Variants in RAP1B observed in about 807,000 individuals in gnomAD.
RAP1B encodes ras-related protein Rap-1b.
Under a neutral mutation model 27.5 loss-of-function variants are expected in RAP1B, and 1 was observed. The ratio of observed to expected loss-of-function variants is 0.04; its 90% CI spans 0.01 to 0.17. The LOEUF (loss-of-function observed/expected upper bound fraction) is 0.17, where lower values mean the gene tolerates loss of function less well. RAP1B is among the 10% of genes least tolerant of loss of function. The pLI, the probability that RAP1B is intolerant of heterozygous loss-of-function variation, is 1.00. For missense variants in RAP1B, 84 were observed against 214.8 expected (o/e 0.39, Z 3.81); for synonymous variants, 75 against 73.1 (o/e 1.03, Z -0.13).
At position 68,659,919 on chromosome 12, in the gene RAP1B, C is replaced by G. The variant is rs1385336948; in HGVS notation, c.*670C>G. On this transcript the variant is annotated 3_prime_UTR_variant, in exon 8 of 8. Coordinates refer to ENST00000250559, the MANE Select transcript of RAP1B (RefSeq NM_001010942.3). ...TTGGGAAGGAAATGTCCAGACTTTT[C>G]AAATCTCTTATTATATGTTTCCTTT... is the stretch of plus-strand genomic sequence containing the variant. 6.6e-6 allele frequency: 1 copy of G among 150,614 alleles called. No homozygotes were observed. The highest frequency in any genetic ancestry group is 1.9e-4 in the East Asian group (1 of 5,138). The allele number at this position is 150,614 out of a possible 1,614,324, so 9.3% of individuals were successfully genotyped here.
chr12:68,655,628 C>T (rs1218634867), intron 5 of RAP1B, among the ~76,000 whole-genome samples: 1 of 151,618 alleles, frequency 6.6e-6, no homozygotes, highest in African/African-American at 2.4e-5. Flanking sequence ...CTCTGCCTCC[C>T]AAGTTCAAGC....
intron 1 of RAP1B, among the ~76,000 whole-genome samples, chr12:68,645,077 A>G (rs1873309606): frequency 6.6e-6 from 1 of 152,152 alleles, no homozygotes; most frequent in African/African-American, 2.4e-5. Flanking sequence ...TTCTTTCCTT[A>G]TTCTTTCTTT....
At chr12:68,644,516 G>C (rs1429363582) in intron 1 of RAP1B, among the ~76,000 whole-genome samples, 2 of 151,276 alleles carry the variant, frequency 1.3e-5, no homozygotes, top group South Asian at 2.1e-4. Context: ...CCTGGGAGGC[G>C]GAGGTTGCAG....
chr12:68,624,452 TTAGAA>T (rs1295080141), intron 1 of RAP1B: 1 of 152,162 alleles, frequency 6.6e-6, no homozygotes, highest in African/African-American at 2.4e-5. Flanking sequence ...ATACAATAGA[TTAGAA>T]TAGGAATATT....
At chr12:68,658,701 A>T (rs1166560392) in intron 7 of RAP1B, among the ~76,000 whole-genome samples, 1 of 152,260 alleles carries the variant, frequency 6.6e-6, no homozygotes, top group Non-Finnish European at 1.5e-5. Flanking sequence ...ATTAGAAATT[A>T]TATAACGTGA....
rs1287770441 is a variant in RAP1B at position 68,664,370 on chromosome 12, T to C, written c.*5121T>C. On this transcript the variant is annotated 3_prime_UTR_variant, in exon 8 of 8. Transcript: ENST00000250559. The stretch of plus-strand genomic sequence containing the variant: ...AACTGTCAAACTCTTTAATGTGCAG[T>C]GCAGTAGGTTTGGAGCAGAGGGGAG... The C allele has an allele frequency of 6.6e-6, 1 of 152,132 alleles. No homozygotes were observed. The highest frequency in any genetic ancestry group is 1.5e-5 in the Non-Finnish European group (1 of 68,028). 9.4% of individuals were successfully genotyped at this position (152,132 alleles called of 1,614,324 possible).
chr12:68,618,423 G>T (rs59340241), intron 1 of RAP1B, among the ~76,000 whole-genome samples: 1 of 152,088 alleles, frequency 6.6e-6, no homozygotes, highest in Non-Finnish European at 1.5e-5. Flanking sequence ...CATTGCTTAA[G>T]AATCCCATTA....
At chr12:68,640,384 T>C (rs1009857374) in intron 1 of RAP1B, among the ~76,000 whole-genome samples, 1 of 152,152 alleles carries the variant, frequency 6.6e-6, no homozygotes, top group Non-Finnish European at 1.5e-5. Context: ...TCTATACCCT[T>C]TACTCCAGAT....
At chr12:68,652,949 C>T (rs967874289) in intron 4 of RAP1B, among the ~76,000 whole-genome samples, 1 of 152,160 alleles carries the variant, frequency 6.6e-6, no homozygotes, top group African/African-American at 2.4e-5. Flanking sequence ...TGGCTCATGC[C>T]TTGTAATCCC....
chr12:68,626,795 T>C lies in RAP1B; in HGVS notation c.-27+15752T>C. ...GGGTGTTTTTTTTTTGTTGTTTGTT[T>C]GTTTGTTTGTTTTGGGTGGACAGGA... On this transcript the variant is annotated intron_variant, in intron 1 of 7. Transcript: ENST00000250559. The C allele has an allele frequency of 5.9e-6, 8 of 1,361,924 alleles. No homozygotes were observed. The South Asian group carries it at 9.8e-5, about 17-fold the overall frequency. 84.4% of individuals were successfully genotyped at this position (1,361,924 alleles called of 1,614,324 possible). A position where few individuals can be genotyped will look rare whatever the true frequency, so the allele number is the denominator to read the frequency against.
At chr12:68,658,441 C>G (rs1874383091) in intron 7 of RAP1B, among the ~76,000 whole-genome samples, 1 of 152,186 alleles carries the variant, frequency 6.6e-6, no homozygotes, top group Non-Finnish European at 1.5e-5. Flanking sequence ...ACCTAAAGTT[C>G]TAGGCATTTG....
At position 68,666,590 on chromosome 12, in the gene RAP1B, G is replaced by A. The variant is rs1305107063; in HGVS notation, c.*7341G>A. ...TTTCTTTTAAAAGGACAATTGTTTT[G>A]ACATTTAGGGCTTACCCACATACTT... On this transcript the variant is annotated 3_prime_UTR_variant, in exon 8 of 8. Coordinates refer to ENST00000250559, the MANE Select transcript of RAP1B (RefSeq NM_001010942.3). 6.6e-6 allele frequency: 1 copy of A among 152,102 alleles called. No individual in the cohort carries two copies. The highest frequency in any genetic ancestry group is 1.5e-5 in the Non-Finnish European group (1 of 68,022). 9.4% of individuals were successfully genotyped at this position (152,102 alleles called of 1,614,324 possible). A position where few individuals can be genotyped will look rare whatever the true frequency, so the allele number is the denominator to read the frequency against.
At chr12:68,648,624 ATGTTTTATTTC>A (rs1333419281) in intron 1 of RAP1B, 64 bp from the exon 2 acceptor site, 3 of 1,155,064 alleles carry the variant, frequency 2.6e-6, no homozygotes, top group Non-Finnish European at 3.7e-6. Flanking sequence ...ATTTTCCTGA[ATGTTTTATTTC>A]TGTGAAAAGC....
rs1002133292 is a variant in RAP1B, at chr12:68,666,548, T to G, written c.*7299T>G. 1.3e-5 allele frequency: 2 copies of G among 152,228 alleles called. No individual in the cohort carries two copies. Among genetic ancestry groups the G allele is most frequent in the Admixed American group, 6.5e-5 (1 of 15,284 alleles). 9.4% of individuals were successfully genotyped at this position (152,228 alleles called of 1,614,324 possible). On this transcript the variant is annotated 3_prime_UTR_variant, in exon 8 of 8. Transcript: ENST00000250559. The stretch of plus-strand genomic sequence containing the variant: ...TCACATGTGCCTCTATCTTTGTATC[T>G]CCTCCTCTCTATAATCTTTCTTTTA...
intron 1 of RAP1B, among the ~76,000 whole-genome samples, chr12:68,640,244 C>G (rs1291703409): frequency 2.6e-5 from 4 of 152,066 alleles, no homozygotes; most frequent in Admixed American, 6.6e-5. Flanking sequence ...GTGTACTGAG[C>G]TATATAGTAA....
Position 68,659,877 on chromosome 12 carries a change from G to A in RAP1B, c.*628G>A, listed in dbSNP as rs1369768574. The A allele has an allele frequency of 6.6e-6, 1 of 151,846 alleles. No homozygotes were observed. Among genetic ancestry groups the A allele is most frequent in the South Asian group, 2.1e-4 (1 of 4,804 alleles). 9.4% of individuals were successfully genotyped at this position (151,846 alleles called of 1,614,324 possible). On this transcript the variant is annotated 3_prime_UTR_variant, in exon 8 of 8. Transcript: ENST00000250559. ...CAGTATAATGTCTTAGATTAAAGAC[G>A]TTGCCTTTAATATCTGTTGGGAAGG...
intron 1 of RAP1B, among the ~76,000 whole-genome samples, chr12:68,619,491 A>G (rs1871248546): frequency 1.3e-5 from 2 of 152,244 alleles, no homozygotes; most frequent in Admixed American, 1.3e-4. Context: ...TGTCAGCTAG[A>G]CCAATGGATT....
At chr12:68,636,507 A>T in intron 1 of RAP1B, among the ~76,000 whole-genome samples, 1 of 152,180 alleles carries the variant, frequency 6.6e-6, no homozygotes, top group African/African-American at 2.4e-5. Context: ...AGCTCACTGT[A>T]ACCTCCAATT....
At chr12:68,619,934 A>G (rs1430380249) in intron 1 of RAP1B, among the ~76,000 whole-genome samples, 2 of 152,138 alleles carry the variant, frequency 1.3e-5, no homozygotes, top group East Asian at 3.8e-4. Context: ...CTGACTGCTC[A>G]TCTATAGACA....
Sources: gnomAD v4.1 joint callset for allele counts (sites outside exome capture counted in the v4.1 genomes callset) on GRCh38, gnomAD v4.1.1 for gene constraint, MANE v1.5 for transcripts, NCBI Gene and HGNC (gene_info 2026-07-23, HGNC 2026-07-21) for gene names.